TCOF1: variants seen among roughly 807,000 people sequenced by gnomAD.
TCOF1 encodes treacle ribosome biogenesis factor 1.
TCOF1 carries 33 observed loss-of-function variants against 149.0 expected under a neutral mutation model. The ratio of observed to expected loss-of-function variants is 0.22; its 90% CI spans 0.17 to 0.30. TCOF1 has a LOEUF of 0.30. TCOF1 is among the 10% of genes least tolerant of loss of function. The pLI is 1.00. For synonymous variants in TCOF1, 789 were observed against 738.8 expected (o/e 1.07, Z -1.10); for missense variants, 1,728 against 1,840.7 (o/e 0.94, Z 1.12).
intron 1 of TCOF1, among the ~76,000 whole-genome samples, chr5:150,358,720 C>G (rs1351639206): frequency 1.3e-5 from 2 of 152,196 alleles, no homozygotes; most frequent in Non-Finnish European, 2.9e-5. Context: ...GCCTGTAATC[C>G]TGGCTACTCA....
At chr5:150,360,499 C>T (rs1759803214) in intron 1 of TCOF1, among the ~76,000 whole-genome samples, 1 of 152,174 alleles carries the variant, frequency 6.6e-6, no homozygotes, top group Non-Finnish European at 1.5e-5. Context: ...TCTTTGAAAG[C>T]TTTTTTAAAG....
chr5:150,374,922 G>T (rs940640387), intron 9 of TCOF1, 32 bp from the exon 10 acceptor site: 6 of 1,613,512 alleles, frequency 3.7e-6, no homozygotes, highest in Non-Finnish European at 5.1e-6. Flanking sequence ...TCCACCCTCT[G>T]GGCTCTCCCC....
chr5:150,398,571 G>C lies in TCOF1; in HGVS notation c.4443+120G>C, dbSNP rs111906987. On this transcript the variant is annotated intron_variant, in intron 25 of 26. Coordinates refer to ENST00000643257, the MANE Select transcript of TCOF1 (RefSeq NM_001371623.1). ...TTCGGGGCCCAGTCGGGGGCGTCAGGGGTTGTGACACACCAGGGAAGAGGC... is the reference window on the plus strand; with the variant it reads ...TTCGGGGCCCAGTCGGGGGCGTCAGCGGTTGTGACACACCAGGGAAGAGGC... 1.0e-3 allele frequency: 1,520 copies of C among 1,479,802 alleles called. 15 individuals carry two copies. In the African/African-American group the frequency reaches 0.019, roughly 18 times the overall value. The allele number at this position is 1,479,802 out of a possible 1,614,324, so 91.7% of individuals were successfully genotyped here.
intron 2 of TCOF1, among the ~76,000 whole-genome samples, 172 bp downstream of exon 2, chr5:150,361,383 A>G (rs1005073543): frequency 1.3e-5 from 2 of 152,160 alleles, no homozygotes; most frequent in Non-Finnish European, 2.9e-5. Context: ...TTCTGTGTGG[A>G]TATCTGGTAG....
Position 150,388,019 on chromosome 5 carries a change from A to G in TCOF1, c.2977A>G (p.Thr993Ala), listed in dbSNP as rs1444877651. The part of the protein sequence containing the change: ...TPRKARASES[T>A]ARSSSSESED... The stretch of plus-strand genomic sequence containing the variant: ...GAGGAAGGCCCGAGCCTCGGAGAGC[A>G]CAGCCAGGAGCTCCTCCTCCGAGAG... Residue 993 changes from threonine (T) to alanine (A), a missense_variant, in exon 18 of 27, where the codon ACA (threonine) becomes GCA (alanine). Thr to Ala is a moderately conservative substitution (Grantham distance 58, BLOSUM62 0). This residue lies in a region of TCOF1 where 1,696 missense variants were observed against 1,765.4 expected (regional missense o/e 0.96). Transcript: ENST00000643257. 6.2e-7 allele frequency: 1 copy of G among 1,613,826 alleles called. No individual in the cohort carries two copies. The highest frequency in any genetic ancestry group is 8.5e-7 in the Non-Finnish European group (1 of 1,180,030).
rs775025668 is a variant in TCOF1, at chr5:150,396,582, G to C, written c.4085G>C (p.Ser1362Thr). Residue 1362 changes from serine (S) to threonine (T), a missense_variant, in exon 24 of 27, where the codon AGC (serine) becomes ACC (threonine). Transcript: ENST00000643257. ...GDQPAARTPR[S>T]KKKKKLGAGE... is the part of the protein sequence containing the mutation. ...CAGCCAGCTGCCAGGACCCCCAGGAGCAAGAAGAAGAAGAAGCTGGGGGCC... is the reference window on the plus strand; with the variant it reads ...CAGCCAGCTGCCAGGACCCCCAGGACCAAGAAGAAGAAGAAGCTGGGGGCC... 6.3e-7 allele frequency: 1 copy of C among 1,581,842 alleles called. No individual in the cohort carries two copies. The highest frequency in any genetic ancestry group is 1.3e-5 in the African/African-American group (1 of 74,308).
rs538146826 is a variant in TCOF1 at position 150,357,719 on chromosome 5, G to A, written c.-28G>A. On this transcript the variant is annotated 5_prime_UTR_variant, in exon 1 of 27. Coordinates refer to ENST00000643257, the MANE Select transcript of TCOF1 (RefSeq NM_001371623.1). Reference sequence around the variant, plus strand: ...GGCGGGGACTAAGGCGGGGCGTGCAGGTAGCCGGCCGGCCGGGGGTCGCGG... The same window carrying A: ...GGCGGGGACTAAGGCGGGGCGTGCAAGTAGCCGGCCGGCCGGGGGTCGCGG... The A allele has an allele frequency of 6.5e-7, 1 of 1,542,128 alleles. No individual in the cohort carries two copies. The highest frequency in any genetic ancestry group is 1.2e-5 in the South Asian group (1 of 83,796).
intron 23 of TCOF1, among the ~76,000 whole-genome samples, chr5:150,395,885 A>AG (rs146937313): frequency 0.057 from 8,717 of 152,228 alleles, 338 homozygotes; most frequent in East Asian, 0.11. Flanking sequence ...AATCACACTG[A>AG]AAGTGGGTGG....
chr5:150,392,206 G>T, intron 21 of TCOF1, 30 bp downstream of exon 21: 1 of 1,609,070 alleles, frequency 6.2e-7, no homozygotes, highest in Non-Finnish European at 8.5e-7. Flanking sequence ...GGCAAGGGTG[G>T]GCCAGGAAGA....
intron 4 of TCOF1, 156 bp downstream of exon 4, chr5:150,368,073 C>T (rs1406472583): frequency 1.3e-6 from 1 of 751,242 alleles, no homozygotes; most frequent in Non-Finnish European, 2.2e-6. Flanking sequence ...TTAGTCCCTT[C>T]ACCTCTCTGG....
chr5:150,365,291 A>T (rs1417756990), intron 3 of TCOF1, among the ~76,000 whole-genome samples: 2 of 138,956 alleles, frequency 1.4e-5, no homozygotes, highest in Admixed American at 7.6e-5. Flanking sequence ...ACGGGGTTTC[A>T]CAATGTTAGC....
rs150694681 is a variant in TCOF1 at position 150,389,867 on chromosome 5, C to T, written c.3047-20C>T. On this transcript the variant is annotated intron_variant, in intron 18 of 26. Transcript: ENST00000643257. ...TGGGGCTTTTGTGCCCTGATGTGCC[C>T]CCATCTCGCTCCATTTCAGGCATCA... The T allele has an allele frequency of 5.1e-4, 828 of 1,614,150 alleles. 5 individuals are homozygous for T. The African/African-American group carries it at 9.5e-3, about 19-fold the overall frequency.
At chr5:150,388,345 G>A (rs1218242230) in intron 18 of TCOF1, among the ~76,000 whole-genome samples, 2 of 152,180 alleles carry the variant, frequency 1.3e-5, no homozygotes, top group Non-Finnish European at 2.9e-5. Flanking sequence ...AAGCTGCAGG[G>A]ACCAGGTTCC....
intron 21 of TCOF1, 69 bp downstream of exon 21, chr5:150,392,245 G>A (rs1767593617): frequency 6.6e-7 from 1 of 1,525,580 alleles, no homozygotes; most frequent in East Asian, 2.3e-5. Flanking sequence ...TGGAGCCATA[G>A]CTCTGGCCTC....
In TCOF1 at chr5:150,398,785, C is replaced by T. The variant is rs548767282; in HGVS notation, c.4444-237C>T. Among the ~76,000 whole-genome samples the T allele has an allele frequency of 6.6e-4, 100 of 152,358 alleles. 1 individual carries two copies. The highest frequency in any genetic ancestry group is 2.3e-3 in the African/African-American group (97 of 41,594). On this transcript the variant is annotated intron_variant, in intron 25 of 26. Transcript: ENST00000643257. ...CAGCTGGCAGGCTAGCCCTGAACAA[C>T]AGCTGTCCTCACGGCGCGGGGCCTT...
intron 5 of TCOF1, 128 bp downstream of exon 5, chr5:150,369,030 G>GA: frequency 8.0e-7 from 1 of 1,252,702 alleles, no homozygotes; most frequent in Non-Finnish European, 1.1e-6. Context: ...CCAGGTTCCT[G>GA]CATCTTAGGA....
chr5:150,396,950 G>T (rs1768670392), intron 24 of TCOF1, 108 bp downstream of exon 24: 1 of 1,356,426 alleles, frequency 7.4e-7, no homozygotes, highest in Non-Finnish European at 1.0e-6. Context: ...GTAGAAAAGA[G>T]AGGCTGAGAC....
Position 150,367,548 on chromosome 5 carries a change from T to C in TCOF1, c.305-296T>C, listed in dbSNP as rs1761629492. The C allele has an allele frequency of 1.7e-5, 7 of 417,732 alleles. No individual in the cohort carries two copies. In the Admixed American group the frequency reaches 2.4e-4, roughly 15 times the overall value. The allele number at this position is 417,732 out of a possible 1,614,324, so 25.9% of individuals were successfully genotyped here. A position where few individuals can be genotyped will look rare whatever the true frequency, so the allele number is the denominator to read the frequency against. On this transcript the variant is annotated intron_variant, in intron 3 of 26. Coordinates refer to ENST00000643257, the MANE Select transcript of TCOF1 (RefSeq NM_001371623.1). The stretch of plus-strand genomic sequence containing the variant: ...CAGTGCCCAGTAGGCAGCAAGAATG[T>C]GGGCCAGTCCTTTTCCCTCCAGGGG...
Position 150,376,431 on chromosome 5 carries a change from T to A in TCOF1, c.2151T>A (p.Ser717=), listed in dbSNP as rs141764046. ...TCCCCTTGTCATCCCAGGCAAAGTC[T>A]GTGGGGAAAGGCCTCCAGGTGAAAG... ...GLAVTVGQAK[S]VGKGLQVKAA... is the part of the protein sequence containing the mutation. Residue 717 remains serine, a synonymous_variant, in exon 14 of 27, where the codon TCT becomes TCA. Transcript: ENST00000643257. 355 of 1,614,152 alleles carry A rather than the reference T, an allele frequency of 2.2e-4. 2 individuals are homozygous for A. In the African/African-American group the frequency reaches 4.4e-3, roughly 20 times the overall value.
Sources: gnomAD v4.1 joint callset for allele counts (sites outside exome capture counted in the v4.1 genomes callset) on GRCh38, gnomAD v4.1.1 for gene constraint, gnomAD v4.1.1 regional missense constraint, MANE v1.5 for transcripts, NCBI Gene and HGNC (gene_info 2026-07-23, HGNC 2026-07-21) for gene names.